The following CREB3L2 variants were observed in gnomAD, a reference collection of about 807,000 sequenced individuals.
CREB3L2 encodes the protein cAMP responsive element binding protein 3 like 2.
Under a neutral mutation model 57.2 loss-of-function variants are expected in CREB3L2, and 23 were observed. The observed-to-expected ratio is 0.40, with a 90% CI of 0.29 to 0.57. The LOEUF (loss-of-function observed/expected upper bound fraction) is 0.57. Among genes scored for constraint, CREB3L2 ranks in the 20% least tolerant of loss-of-function variants. The pLI, the probability that CREB3L2 is intolerant of heterozygous loss-of-function variation, is 0.42. For synonymous variants in CREB3L2, 268 were observed against 265.1 expected, an observed-to-expected ratio of 1.01 and a Z score of -0.11; for missense variants, 628 against 634.7, an observed-to-expected ratio of 0.99 and a Z score of 0.11.
At chr7:137,967,851 G>A (rs1801433999) in intron 1 of CREB3L2, among the ~76,000 whole-genome samples, 1 of 152,148 alleles carries the variant, frequency 6.6e-6, no homozygotes, top group African/African-American at 2.4e-5. Context: ...TCACTGTGAT[G>A]CCCCATCCAC....
Position 137,875,765 on chromosome 7 carries a change from G to A in CREB3L2, c.*4711C>T, listed in dbSNP as rs192047490. ...TGGTAAAGAGTCACCCTTGTTTTCCGTATCTATAAAACTGAAAGACTTAAA... is the reference window on the plus strand; with the variant it reads ...TGGTAAAGAGTCACCCTTGTTTTCCATATCTATAAAACTGAAAGACTTAAA... On this transcript the variant is annotated 3_prime_UTR_variant, in exon 12 of 12. Transcript: ENST00000330387. 6.3e-5 allele frequency: 14 copies of A among 223,160 alleles called. No individual in the cohort carries two copies. The highest frequency in any genetic ancestry group is 5.2e-4 in the East Asian group (8 of 15,340). 13.8% of individuals were successfully genotyped at this position (223,160 alleles called of 1,614,324 possible).
rs117991199 is a variant in CREB3L2, at chr7:137,896,325, G to A, written c.1043+5029C>T. On this transcript the variant is annotated intron_variant, in intron 8 of 11. Transcript: ENST00000330387. ...GGTTTTGTTTGTTTGTTTTGAGATG[G>A]AGTTTTCCTCTTGTTGCCCAGGTTA... Among the ~76,000 whole-genome samples, 723 of 152,302 alleles carry A rather than the reference G, an allele frequency of 4.7e-3. 6 individuals are homozygous for A. Among genetic ancestry groups the A allele is most frequent in the Middle Eastern group, 0.02 (6 of 294 alleles).
At chr7:137,973,564 A>G (rs903083686) in intron 1 of CREB3L2, among the ~76,000 whole-genome samples, 1 of 152,206 alleles carries the variant, frequency 6.6e-6, no homozygotes, top group Admixed American at 6.5e-5. Context: ...TCAAGAAGGT[A>G]GCAGCACAGG....
In CREB3L2 at chr7:137,879,550, T is replaced by C. The variant is rs891705407; in HGVS notation, c.*926A>G. The C allele has an allele frequency of 1.2e-5, 3 of 240,760 alleles. No homozygotes were observed. Among genetic ancestry groups the C allele is most frequent in the Admixed American group, 5.4e-5 (1 of 18,436 alleles). The allele number at this position is 240,760 out of a possible 1,614,324, so 14.9% of individuals were successfully genotyped here. A position where few individuals can be genotyped will look rare whatever the true frequency, so the allele number is the denominator to read the frequency against. On this transcript the variant is annotated 3_prime_UTR_variant, in exon 12 of 12. Coordinates refer to ENST00000330387, the MANE Select transcript of CREB3L2 (RefSeq NM_194071.4). ...CATACATGCTCAAAGGAACTTCTTTTTCAATGGTAATTATTCCAGTTAAAA... is the reference window on the plus strand; with the variant it reads ...CATACATGCTCAAAGGAACTTCTTTCTCAATGGTAATTATTCCAGTTAAAA...
chr7:137,884,579 C>T (rs1298596043), intron 10 of CREB3L2: 1 of 361,872 alleles, frequency 2.8e-6, no homozygotes, highest in Non-Finnish European at 5.0e-6. Context: ...TTTCACTTTA[C>T]AAGCCCTTAC....
rs1271790171 is a variant in CREB3L2, at chr7:137,970,854, T to C, written c.102+30750A>G. The stretch of plus-strand genomic sequence containing the variant: ...TCTGGAACCAACAGCATGTGCCTTG[T>C]TCTAAGAACAGATTTCTCCTCCAGC... On this transcript the variant is annotated intron_variant, in intron 1 of 11. Coordinates refer to ENST00000330387, the MANE Select transcript of CREB3L2 (RefSeq NM_194071.4). Among the ~76,000 whole-genome samples the C allele has an allele frequency of 2.6e-5, 4 of 152,308 alleles. No homozygotes were observed. The South Asian group carries it at 8.3e-4, about 32-fold the overall frequency.
chr7:137,966,566 G>A (rs1367069544), intron 1 of CREB3L2, among the ~76,000 whole-genome samples: 1 of 152,186 alleles, frequency 6.6e-6, no homozygotes, highest in East Asian at 1.9e-4. Flanking sequence ...CCTCACTTTT[G>A]ACTACAGACA....
At chr7:137,974,378 G>A (rs1013158009) in intron 1 of CREB3L2, among the ~76,000 whole-genome samples, 26 of 152,218 alleles carry the variant, frequency 1.7e-4, no homozygotes, top group African/African-American at 6.0e-4. Flanking sequence ...AGGGAAAAGG[G>A]TGAAAAGAGT....
intron 1 of CREB3L2, among the ~76,000 whole-genome samples, chr7:137,978,207 G>T (rs772115855): frequency 1.3e-5 from 2 of 152,120 alleles, no homozygotes; most frequent in Non-Finnish European, 2.9e-5. Context: ...ACTTCTGGAC[G>T]ACTTTACAGA....
intron 8 of CREB3L2, among the ~76,000 whole-genome samples, chr7:137,887,249 A>G (rs982066586): frequency 2.6e-5 from 4 of 152,214 alleles, no homozygotes; most frequent in Non-Finnish European, 5.9e-5. Context: ...CTGGGCTTAC[A>G]TCTTCACCCC....
In CREB3L2 at chr7:137,966,182, A is replaced by G. The variant is rs144131458; in HGVS notation, c.102+35422T>C. Among the ~76,000 whole-genome samples the G allele has an allele frequency of 4.2e-3, 634 of 152,348 alleles. 5 individuals are homozygous for G. Among genetic ancestry groups the G allele is most frequent in the African/African-American group, 0.015 (607 of 41,580 alleles). ...AGACAGGAAGTGCAAACATGTGAAA[A>G]GTTATGAAATTCCTCCAGAGAGTGG... On this transcript the variant is annotated intron_variant, in intron 1 of 11. Transcript: ENST00000330387.
chr7:137,894,569 G>C (rs1216893546), intron 8 of CREB3L2, among the ~76,000 whole-genome samples: 1 of 152,146 alleles, frequency 6.6e-6, no homozygotes, highest in Non-Finnish European at 1.5e-5. Context: ...ACAGATTTGG[G>C]GTAGAAGTCC....
chr7:137,969,343 T>C (rs1008659723), intron 1 of CREB3L2, among the ~76,000 whole-genome samples: 18 of 20,236 alleles, frequency 8.9e-4, no homozygotes, highest in African/African-American at 1.9e-3. Flanking sequence ...TGATCTTCTT[T>C]TTTTTTTTTT....
chr7:137,984,312 T>G (rs1801759454), intron 1 of CREB3L2, among the ~76,000 whole-genome samples: 1 of 152,248 alleles, frequency 6.6e-6, no homozygotes, highest in South Asian at 2.1e-4. Context: ...CTTTTGCAGC[T>G]AGGGATGGCC....
intron 7 of CREB3L2, among the ~76,000 whole-genome samples, chr7:137,903,371 T>C (rs1433294393): frequency 6.6e-6 from 1 of 152,104 alleles, no homozygotes; most frequent in Non-Finnish European, 1.5e-5. Flanking sequence ...GTTTGTTAGC[T>C]AAAGAACTAA....
At position 137,895,748 on chromosome 7, in the gene CREB3L2, G is replaced by A. The variant is rs181360417; in HGVS notation, c.1043+5606C>T. ...CCCCTGTGGGGTATTGTATAGGGGT[G>A]GAAAAAAGTAAAGAGGTATCATTTT... On this transcript the variant is annotated intron_variant, in intron 8 of 11. Coordinates refer to ENST00000330387, the MANE Select transcript of CREB3L2 (RefSeq NM_194071.4). Among the ~76,000 whole-genome samples, 50 of 152,044 alleles carry A rather than the reference G, an allele frequency of 3.3e-4. 1 individual carries two copies. The highest frequency in any genetic ancestry group is 2.6e-3 in the Admixed American group (40 of 15,282).
intron 8 of CREB3L2, among the ~76,000 whole-genome samples, chr7:137,893,402 T>C (rs910491570): frequency 6.6e-6 from 1 of 152,156 alleles, no homozygotes; most frequent in Non-Finnish European, 1.5e-5. Context: ...AAATGAAAAG[T>C]GAATTAAAAC....
Position 137,877,669 on chromosome 7 carries a change from T to C in CREB3L2, c.*2807A>G, listed in dbSNP as rs1044575859. 1.8e-5 allele frequency: 4 copies of C among 226,612 alleles called. No individual in the cohort carries two copies. Among genetic ancestry groups the C allele is most frequent in the African/African-American group, 8.9e-5 (4 of 44,916 alleles). 14.0% of individuals were successfully genotyped at this position (226,612 alleles called of 1,614,324 possible). ...ATATAATTAAGAGATTGACTCTTTATGGCTTATGGCCGCTCTGACAGACTC... is the reference window on the plus strand; with the variant it reads ...ATATAATTAAGAGATTGACTCTTTACGGCTTATGGCCGCTCTGACAGACTC... On this transcript the variant is annotated 3_prime_UTR_variant, in exon 12 of 12. Transcript: ENST00000330387.
intron 8 of CREB3L2, among the ~76,000 whole-genome samples, chr7:137,898,960 AAAGGAAGG>A (rs145339071): frequency 0.075 from 9,952 of 132,702 alleles, 1,794 homozygotes; most frequent in African/African-American, 0.35. Context: ...GGAAAGAAGG[AAAGGAAGG>A]AAGGAAGGAA....
Sources: gnomAD v4.1 joint callset for allele counts (sites outside exome capture counted in the v4.1 genomes callset) on GRCh38, gnomAD v4.1.1 for gene constraint, MANE v1.5 for transcripts, NCBI Gene and HGNC (gene_info 2026-07-23, HGNC 2026-07-21) for gene names.